Variants in NELL2 observed in about 807,000 individuals in gnomAD.
NELL2 encodes neural EGFL like 2.
Under a neutral mutation model 109.6 loss-of-function variants are expected in NELL2, and 41 were observed. The observed-to-expected ratio is 0.37, with a 90% CI of 0.29 to 0.49. NELL2 has a LOEUF of 0.49. NELL2 is among the 20% of genes least tolerant of loss of function. The pLI is 0.98. For missense variants in NELL2, 900 were observed against 1,008.3 expected (o/e 0.89, Z 1.45); for synonymous variants, 355 against 344.7 (o/e 1.03, Z -0.33).
At position 44,661,551 on chromosome 12, in the gene NELL2, A is replaced by G. The variant is rs192509273; in HGVS notation, c.1444+3933T>C. ...AGTAACACAGTGACATGTGACTCAGATATTTGCCACTGGTAACAATTCCAT... is the reference window on the plus strand; with the variant it reads ...AGTAACACAGTGACATGTGACTCAGGTATTTGCCACTGGTAACAATTCCAT... On this transcript the variant is annotated intron_variant, in intron 13 of 19. Transcript: ENST00000429094. Among the ~76,000 whole-genome samples, 3 of 152,222 alleles carry G rather than the reference A, an allele frequency of 2.0e-5. No homozygotes were observed. The East Asian group carries it at 5.8e-4, about 29-fold the overall frequency.
intron 13 of NELL2, among the ~76,000 whole-genome samples, chr12:44,633,248 A>T (rs1305430433): frequency 6.6e-6 from 1 of 152,130 alleles, no homozygotes; most frequent in Non-Finnish European, 1.5e-5. Flanking sequence ...GGTGATTTCT[A>T]TGTGAGTAAA....
At chr12:44,621,697 CT>C (rs111552655) in intron 13 of NELL2, among the ~76,000 whole-genome samples, 41 of 149,192 alleles carry the variant, frequency 2.7e-4, no homozygotes, top group South Asian at 1.1e-3. Context: ...TGTGCTCGAA[CT>C]TTTTTTTTTA....
chr12:44,791,065 G>GTATATATATATATA (rs201689169), intron 3 of NELL2, among the ~76,000 whole-genome samples: 1 of 43,230 alleles, frequency 2.3e-5, no homozygotes, highest in African/African-American at 9.7e-5. Flanking sequence ...GAAAGTTCAA[G>GTATATATATATATA]TATATATATA....
intron 9 of NELL2, among the ~76,000 whole-genome samples, chr12:44,755,779 T>A (rs1367836101): frequency 6.6e-6 from 1 of 152,172 alleles, no homozygotes; most frequent in Non-Finnish European, 1.5e-5. Context: ...CTATCCAATA[T>A]AAATATCTTT....
intron 13 of NELL2, among the ~76,000 whole-genome samples, chr12:44,664,741 T>G (rs139139774): frequency 2.0e-4 from 31 of 152,264 alleles, no homozygotes; most frequent in Admixed American, 5.2e-4. Context: ...GTTTCTTCTA[T>G]TTAAAAATAT....
rs1945741592 is a variant in NELL2, at chr12:44,908,255, TA to T, written c.38+5543del. Among the ~76,000 whole-genome samples the T allele has an allele frequency of 2.6e-5, 4 of 152,124 alleles. 1 individual carries two copies. Among genetic ancestry groups the T allele is most frequent in the African/African-American group, 9.6e-5 (4 of 41,530 alleles). Reference sequence around the variant, plus strand: ...AGATAAGAAATAGAAGAGTTGTATTTAACCAATCTTATGATTTCATTGAGGA... The same window carrying T: ...AGATAAGAAATAGAAGAGTTGTATTTACCAATCTTATGATTTCATTGAGGA... On this transcript the variant is annotated intron_variant, in intron 1 of 20. Transcript: ENST00000333837.
chr12:44,781,736 T>C (rs530654605), intron 3 of NELL2, among the ~76,000 whole-genome samples: 1 of 151,940 alleles, frequency 6.6e-6, no homozygotes, highest in Admixed American at 6.6e-5. Context: ...CATAAAGAAG[T>C]GGTAAAATAT....
At chr12:44,888,942 G>T (rs1566596365) in intron 1 of NELL2, among the ~76,000 whole-genome samples, 1 of 151,990 alleles carries the variant, frequency 6.6e-6, no homozygotes, top group African/African-American at 2.4e-5. Context: ...GAGCTCTGGG[G>T]TCGAGTCCCT....
intron 15 of NELL2, among the ~76,000 whole-genome samples, chr12:44,606,008 T>C (rs1945388173): frequency 6.6e-6 from 1 of 152,118 alleles, no homozygotes; most frequent in African/African-American, 2.4e-5. Context: ...GCACAATAAA[T>C]TTAGGGAGCT....
chr12:44,667,338 C>A (rs1255815301), intron 12 of NELL2, among the ~76,000 whole-genome samples: 6 of 152,084 alleles, frequency 3.9e-5, no homozygotes, highest in Admixed American at 2.0e-4. Context: ...TTAAAAAAAT[C>A]TTCTCCATGA....
intron 13 of NELL2, among the ~76,000 whole-genome samples, chr12:44,647,968 T>C (rs1947155037): frequency 1.3e-5 from 2 of 152,182 alleles, no homozygotes; most frequent in African/African-American, 2.4e-5. Context: ...AAGGTGAGGG[T>C]CAAGGTGTCC....
intron 13 of NELL2, among the ~76,000 whole-genome samples, chr12:44,662,461 TTAAC>T (rs1947779860): frequency 6.6e-6 from 1 of 152,166 alleles, no homozygotes; most frequent in Admixed American, 6.5e-5. Context: ...CACTAGATGT[TTAAC>T]TATGGATAAA....
chr12:44,609,759 A>G (rs1945541032), intron 14 of NELL2, among the ~76,000 whole-genome samples: 1 of 152,048 alleles, frequency 6.6e-6, no homozygotes. Context: ...TTTGTAGACC[A>G]GGCCTTAAGA....
At chr12:44,528,767 G>A (rs777948498) in intron 16 of NELL2, among the ~76,000 whole-genome samples, 2 of 152,188 alleles carry the variant, frequency 1.3e-5, no homozygotes, top group Non-Finnish European at 2.9e-5. Context: ...AGCAGGGTAA[G>A]TGAATAGAGT....
chr12:44,783,282 G>T (rs1942033082), intron 3 of NELL2, among the ~76,000 whole-genome samples: 2 of 151,252 alleles, frequency 1.3e-5, no homozygotes, highest in African/African-American at 4.9e-5. Context: ...TATTAGAAAA[G>T]AAGATAAGTC....
intron 9 of NELL2, among the ~76,000 whole-genome samples, chr12:44,726,923 C>CATA (rs1555206014): frequency 3.9e-5 from 6 of 151,944 alleles, no homozygotes; most frequent in African/African-American, 1.5e-4. Context: ...ATTAAGTGTA[C>CATA]AGGCTTAGCC....
chr12:44,906,242 G>C (rs999238789), intron 1 of NELL2, among the ~76,000 whole-genome samples: 2 of 152,042 alleles, frequency 1.3e-5, no homozygotes, highest in Non-Finnish European at 2.9e-5. Context: ...AGTATGCCTG[G>C]AGAAGCAGTA....
chr12:44,519,845 C>T (rs1941444786), intron 19 of NELL2, among the ~76,000 whole-genome samples, 160 bp downstream of exon 19: 1 of 127,616 alleles, frequency 7.8e-6, no homozygotes, highest in African/African-American at 4.9e-5. Flanking sequence ...CATGACAGCC[C>T]TGGAACTAAC....
intron 9 of NELL2, among the ~76,000 whole-genome samples, chr12:44,769,680 C>G (rs1196799297): frequency 6.6e-6 from 1 of 152,096 alleles, no homozygotes; most frequent in Non-Finnish European, 1.5e-5. Flanking sequence ...TCTATGAGTA[C>G]TATTCACATA....
Sources: gnomAD v4.1 joint callset for allele counts (sites outside exome capture counted in the v4.1 genomes callset) on GRCh38, gnomAD v4.1.1 for gene constraint, MANE v1.5 for transcripts, NCBI Gene and HGNC (gene_info 2026-07-23, HGNC 2026-07-21) for gene names.